CDYL2: variants seen among roughly 807,000 people sequenced by gnomAD.
CDYL2 encodes the protein chromodomain Y like 2.
A neutral mutation model predicts 49.4 loss-of-function variants in CDYL2; 23 were observed. The ratio of observed to expected loss-of-function variants is 0.47; its 90% CI spans 0.34 to 0.66. The LOEUF is 0.66. Ranked by LOEUF, CDYL2 falls within the 30% of genes least tolerant of loss-of-function variation. The probability of loss-of-function intolerance (pLI) is 0.01; values close to 1 mark genes in which losing one functional copy is unlikely to be tolerated. For synonymous variants in CDYL2, 360 were observed against 268.8 expected (o/e 1.34, Z -3.32); for missense variants, 678 against 656.4 (o/e 1.03, Z -0.36).
chr16:80,772,876 G>C (rs878985457), intron 1 of CDYL2, among the ~76,000 whole-genome samples: 4 of 152,016 alleles, frequency 2.6e-5, no homozygotes, highest in Admixed American at 2.6e-4. Flanking sequence ...AAAAAGTAAG[G>C]CATGAAAGTA....
chr16:80,792,305 T>C (rs1345189763), intron 1 of CDYL2, among the ~76,000 whole-genome samples: 1 of 152,092 alleles, frequency 6.6e-6, no homozygotes, highest in Non-Finnish European at 1.5e-5. Context: ...GAAACTGCAA[T>C]GTTTAAGGAA....
At position 80,804,519 on chromosome 16, in the gene CDYL2, G is replaced by A. The variant is rs1908040032; in HGVS notation, c.-346C>T. 6.9e-6 allele frequency among the ~76,000 whole-genome samples: 1 copy of A among 144,546 alleles called. No homozygotes were observed. Among genetic ancestry groups the A allele is most frequent in the African/African-American group, 2.5e-5 (1 of 40,452 alleles). The allele number at this position is 144,546 out of a possible 152,430, so 94.8% of individuals were successfully genotyped here. A position where few individuals can be genotyped will look rare whatever the true frequency, so the allele number is the denominator to read the frequency against. ...ACCCGGCGACCCGGCGGCGGTGGCT[G>A]CAGCCGGCAACGGCTCGCCCCGGCG... On this transcript the variant is annotated 5_prime_UTR_variant, in exon 1 of 7. Coordinates refer to ENST00000570137, the MANE Select transcript of CDYL2 (RefSeq NM_152342.4).
intron 1 of CDYL2, among the ~76,000 whole-genome samples, chr16:80,708,539 C>T (rs752566152): frequency 6.6e-6 from 1 of 152,186 alleles, no homozygotes; most frequent in African/African-American, 2.4e-5. Flanking sequence ...TGAACGAATA[C>T]ATCTTGGTAC....
intron 3 of CDYL2, among the ~76,000 whole-genome samples, chr16:80,630,706 C>T (rs960949259): frequency 6.6e-6 from 1 of 152,138 alleles, no homozygotes; most frequent in Non-Finnish European, 1.5e-5. Flanking sequence ...CAACCACTAC[C>T]CCACAACCCC....
intron 1 of CDYL2, among the ~76,000 whole-genome samples, chr16:80,694,129 A>G (rs896395702): frequency 6.6e-6 from 1 of 152,218 alleles, no homozygotes; most frequent in Non-Finnish European, 1.5e-5. Flanking sequence ...TCCACCTCAG[A>G]TCATCAGGCA....
At chr16:80,704,033 G>A (rs1020060365) in intron 1 of CDYL2, among the ~76,000 whole-genome samples, 10 of 152,288 alleles carry the variant, frequency 6.6e-5, no homozygotes, top group African/African-American at 2.2e-4. Flanking sequence ...AAGATTGGGA[G>A]GTGAAGGTGA....
At chr16:80,681,371 A>T (rs1048264251) in intron 2 of CDYL2, among the ~76,000 whole-genome samples, 3 of 152,126 alleles carry the variant, frequency 2.0e-5, no homozygotes, top group Non-Finnish European at 2.9e-5. Flanking sequence ...GGGTAGAAGG[A>T]GGACATTCAG....
chr16:80,610,456 C>A (rs750097767), intron 5 of CDYL2, among the ~76,000 whole-genome samples: 1 of 152,122 alleles, frequency 6.6e-6, no homozygotes, highest in African/African-American at 2.4e-5. Context: ...TCACAATAGC[C>A]GTGGGGCCAC....
chr16:80,777,010 C>T (rs997798493), intron 1 of CDYL2, among the ~76,000 whole-genome samples: 2 of 151,806 alleles, frequency 1.3e-5, no homozygotes, highest in East Asian at 1.9e-4. Context: ...TTAATAGGGA[C>T]GGGGTTTTAC....
intron 2 of CDYL2, among the ~76,000 whole-genome samples, chr16:80,650,621 T>C (rs927827446): frequency 1.3e-5 from 2 of 152,198 alleles, no homozygotes; most frequent in African/African-American, 4.8e-5. Flanking sequence ...CTGCTGGGTA[T>C]ACACCCAAAA....
At chr16:80,651,292 C>T (rs533915724) in intron 2 of CDYL2, among the ~76,000 whole-genome samples, 101 of 151,626 alleles carry the variant, frequency 6.7e-4, no homozygotes, top group African/African-American at 2.4e-3. Flanking sequence ...ATCAAGCCAC[C>T]AAAAAAAGAA....
chr16:80,774,744 T>A (rs1907025179), intron 1 of CDYL2, among the ~76,000 whole-genome samples: 1 of 152,022 alleles, frequency 6.6e-6, no homozygotes, highest in African/African-American at 2.4e-5. Context: ...TGAAGAGTAT[T>A]TTCAACACTT....
At chr16:80,685,968 C>A (rs1910173588) in intron 1 of CDYL2, among the ~76,000 whole-genome samples, 1 of 152,228 alleles carries the variant, frequency 6.6e-6, no homozygotes, top group African/African-American at 2.4e-5. Context: ...AGCTAGGAGG[C>A]AAAGAGATAG....
At chr16:80,708,999 T>C (rs961459537) in intron 1 of CDYL2, among the ~76,000 whole-genome samples, 2 of 152,186 alleles carry the variant, frequency 1.3e-5, no homozygotes, top group Non-Finnish European at 2.9e-5. Context: ...AGAGCTCCTG[T>C]TTGCAAATTG....
At chr16:80,625,402 G>A (rs1391729544) in intron 3 of CDYL2, among the ~76,000 whole-genome samples, 1 of 152,146 alleles carries the variant, frequency 6.6e-6, no homozygotes, top group East Asian at 1.9e-4. Context: ...AGACCCTTGT[G>A]ATTACATTGA....
rs574225464 is a variant in CDYL2 at position 80,676,350 on chromosome 16, A to C, written c.616+8188T>G. On this transcript the variant is annotated intron_variant, in intron 2 of 6. Transcript: ENST00000570137. ...GTGTTGGCCTGGGGGTGGGTACTTG[A>C]AGTGGGTCAGGAAGAACAGCTGGGC... Among the ~76,000 whole-genome samples the C allele has an allele frequency of 1.4e-4, 21 of 152,284 alleles. 1 individual carries two copies. The highest frequency in any genetic ancestry group is 5.2e-4 in the Admixed American group (8 of 15,290).
At chr16:80,767,498 T>A (rs1906766230) in intron 1 of CDYL2, among the ~76,000 whole-genome samples, 1 of 152,202 alleles carries the variant, frequency 6.6e-6, no homozygotes, top group Non-Finnish European at 1.5e-5. Context: ...AAACTTCATT[T>A]ACGAAAAATG....
chr16:80,713,107 G>A (rs750977704), intron 1 of CDYL2, among the ~76,000 whole-genome samples: 42 of 152,168 alleles, frequency 2.8e-4, no homozygotes, highest in South Asian at 4.1e-4. Flanking sequence ...CAGAGACTGC[G>A]TTCCTTGACG....
chr16:80,634,484 C>G (rs1173920529), intron 2 of CDYL2, among the ~76,000 whole-genome samples: 1 of 152,028 alleles, frequency 6.6e-6, no homozygotes, highest in Non-Finnish European at 1.5e-5. Context: ...CATCACACAC[C>G]AGGGCCTGTC....
Sources: allele counts gnomAD v4.1 joint callset (sites outside exome capture counted in the v4.1 genomes callset), GRCh38; gene constraint gnomAD v4.1.1; transcripts MANE v1.5; gene names NCBI Gene and HGNC (gene_info 2026-07-23, HGNC 2026-07-21).